RBFOX1: variants seen among roughly 807,000 people sequenced by gnomAD.
RBFOX1 encodes RNA binding fox-1 homolog 1.
A neutral mutation model predicts 57.7 loss-of-function variants in RBFOX1; 8 were observed. The ratio of observed to expected loss-of-function variants is 0.14; its 90% CI spans 0.08 to 0.25. RBFOX1 has a LOEUF of 0.25. Ranked by LOEUF, RBFOX1 falls within the 10% of genes least tolerant of loss-of-function variation. The pLI is 1.00. For synonymous variants in RBFOX1, 326 were observed against 222.4 expected, an observed-to-expected ratio of 1.47 and a Z score of -4.15; for missense variants, 611 against 548.5, an observed-to-expected ratio of 1.11 and a Z score of -1.14.
At chr16:6,304,634 G>C (rs912013543) in intron 1 of RBFOX1, among the ~76,000 whole-genome samples, 1 of 152,094 alleles carries the variant, frequency 6.6e-6, no homozygotes, top group African/African-American at 2.4e-5. Context: ...TGTAATCCCA[G>C]CACTTTGGGA....
chr16:7,093,146 C>A (rs1487328793), intron 4 of RBFOX1, among the ~76,000 whole-genome samples: 1 of 152,212 alleles, frequency 6.6e-6, no homozygotes, highest in African/African-American at 2.4e-5. Flanking sequence ...AATTCTGATT[C>A]AGAAATTCGT....
chr16:5,805,965 C>T (rs1434351589), intron 3 of RBFOX1, among the ~76,000 whole-genome samples: 1 of 152,182 alleles, frequency 6.6e-6, no homozygotes, highest in East Asian at 1.9e-4. Flanking sequence ...TAGATCCTAG[C>T]ACAGTGTTGA....
intron 3 of RBFOX1, among the ~76,000 whole-genome samples, chr16:6,763,491 T>C (rs562577583): frequency 5.4e-4 from 83 of 152,328 alleles, no homozygotes; most frequent in African/African-American, 1.8e-3. Context: ...AGATGTGTGA[T>C]TTCTGACCTC....
At chr16:5,406,480 G>C (rs2066870825) in intron 1 of RBFOX1, among the ~76,000 whole-genome samples, 2 of 151,996 alleles carry the variant, frequency 1.3e-5, no homozygotes, top group Admixed American at 1.3e-4. Flanking sequence ...TCCAGTTTGT[G>C]GATGACAGAT....
At chr16:7,688,420 A>T (rs1022883104) in intron 14 of RBFOX1, among the ~76,000 whole-genome samples, 1 of 152,026 alleles carries the variant, frequency 6.6e-6, no homozygotes, top group South Asian at 2.1e-4. Flanking sequence ...TGCCCATAAG[A>T]CTTAAAGACA....
intron 2 of RBFOX1, among the ~76,000 whole-genome samples, chr16:6,647,472 C>A (rs1184761270): frequency 6.6e-6 from 1 of 152,046 alleles, no homozygotes; most frequent in East Asian, 1.9e-4. Flanking sequence ...GGTCTTGAGC[C>A]CCTGCCCTCA....
intron 14 of RBFOX1, among the ~76,000 whole-genome samples, chr16:7,701,299 G>T (rs928363237): frequency 6.6e-6 from 1 of 152,168 alleles, no homozygotes; most frequent in Non-Finnish European, 1.5e-5. Context: ...ACAGCAGGTG[G>T]TGAGCGGGGT....
At chr16:7,151,952 C>A (rs928407015) in intron 4 of RBFOX1, among the ~76,000 whole-genome samples, 1 of 152,148 alleles carries the variant, frequency 6.6e-6, no homozygotes, top group East Asian at 1.9e-4. Context: ...TGAAGCTTTG[C>A]TTGCTCACCT....
intron 4 of RBFOX1, among the ~76,000 whole-genome samples, chr16:7,498,184 C>G (rs904323632): frequency 6.6e-6 from 1 of 152,156 alleles, no homozygotes; most frequent in African/African-American, 2.4e-5. Flanking sequence ...GGATGGAGAT[C>G]AAGCTTCCCT....
intron 4 of RBFOX1, among the ~76,000 whole-genome samples, chr16:7,502,672 G>A (rs2071360956): frequency 2.0e-5 from 3 of 152,102 alleles, no homozygotes; most frequent in African/African-American, 4.8e-5. Context: ...GTATACATGT[G>A]GTGAGGCATA....
chr16:5,754,305 A>G (rs1282952294), intron 3 of RBFOX1, among the ~76,000 whole-genome samples: 1 of 152,114 alleles, frequency 6.6e-6, no homozygotes, highest in Non-Finnish European at 1.5e-5. Flanking sequence ...CATGTTTAGG[A>G]TTATACCTTG....
rs763658343 is a variant in RBFOX1, at chr16:7,445,613, A to G, written c.28-72534A>G. Among the ~76,000 whole-genome samples, 21 of 152,214 alleles carry G rather than the reference A, an allele frequency of 1.4e-4. 1 individual carries two copies. Among genetic ancestry groups the G allele is most frequent in the Admixed American group, 1.3e-4 (2 of 15,282 alleles). On this transcript the variant is annotated intron_variant, in intron 4 of 15. Transcript: ENST00000550418. ...AAAACTCATTGCCATGAAACCCTGCACAGAATCCAGAGAACATTTTCTTCT... is the reference window on the plus strand; with the variant it reads ...AAAACTCATTGCCATGAAACCCTGCGCAGAATCCAGAGAACATTTTCTTCT...
intron 4 of RBFOX1, among the ~76,000 whole-genome samples, chr16:7,116,541 C>T (rs1210186523): frequency 1.3e-5 from 2 of 152,150 alleles, no homozygotes; most frequent in South Asian, 4.1e-4. Flanking sequence ...CTCCAGCTTA[C>T]TGTATATTTC....
rs74006564 is a variant in RBFOX1, at chr16:6,028,392, A to G, written c.-127+8400A>G. ...GATACCTCTCTTTAAGAACATGATGACCGGGCATGGTGGCTCCTGCCTGCA... is the reference window on the plus strand; with the variant it reads ...GATACCTCTCTTTAAGAACATGATGGCCGGGCATGGTGGCTCCTGCCTGCA... On this transcript the variant is annotated intron_variant, in intron 1 of 15. Coordinates refer to ENST00000550418, the MANE Select transcript of RBFOX1 (RefSeq NM_018723.4). Among the ~76,000 whole-genome samples the G allele has an allele frequency of 4.3e-3, 650 of 151,408 alleles. 5 individuals are homozygous for G. Among genetic ancestry groups the G allele is most frequent in the African/African-American group, 0.015 (622 of 41,332 alleles).
intron 4 of RBFOX1, among the ~76,000 whole-genome samples, chr16:7,123,618 A>G (rs1049722126): frequency 4.6e-5 from 7 of 152,096 alleles, no homozygotes; most frequent in South Asian, 2.1e-4. Context: ...TCCTGCCTCA[A>G]CTTCTCAGAG....
At chr16:6,611,898 C>G (rs373852340) in intron 2 of RBFOX1, among the ~76,000 whole-genome samples, 2 of 152,100 alleles carry the variant, frequency 1.3e-5, no homozygotes, top group African/African-American at 4.8e-5. Context: ...CTGAAGACAC[C>G]TCCTCTTCCC....
intron 1 of RBFOX1, among the ~76,000 whole-genome samples, chr16:5,263,479 C>T (rs1393629298): frequency 6.6e-6 from 1 of 152,032 alleles, no homozygotes; most frequent in Admixed American, 6.6e-5. Flanking sequence ...TTCTTGTTAG[C>T]ATGTGGAGAC....
intron 3 of RBFOX1, among the ~76,000 whole-genome samples, chr16:7,022,976 G>A (rs2153677678): frequency 6.6e-6 from 1 of 152,282 alleles, no homozygotes; most frequent in Middle Eastern, 3.4e-3. Context: ...GAGGCAGAAT[G>A]GGCAGTGAAA....
At chr16:6,975,707 G>A (rs544778324) in intron 3 of RBFOX1, among the ~76,000 whole-genome samples, 15 of 152,328 alleles carry the variant, frequency 9.8e-5, no homozygotes, top group Non-Finnish European at 1.9e-4. Flanking sequence ...ATCAATTTAT[G>A]ATTAGCACTG....
Sources: allele counts gnomAD v4.1 joint callset (sites outside exome capture counted in the v4.1 genomes callset), GRCh38; gene constraint gnomAD v4.1.1; transcripts MANE v1.5; gene names NCBI Gene and HGNC (gene_info 2026-07-23, HGNC 2026-07-21).